Variants in BRINP3 observed in about 807,000 individuals in gnomAD.
BRINP3 encodes the protein BMP/retinoic acid inducible neural specific 3, also known as BMP/retinoic acid-inducible neural-specific protein 3.
In BRINP3, 19 loss-of-function variants were observed where a neutral mutation model predicts 71.0. That is an observed-to-expected ratio of 0.27 (90% CI 0.19 to 0.39). The LOEUF (loss-of-function observed/expected upper bound fraction) is 0.39. Among genes scored for constraint, BRINP3 ranks in the 10% least tolerant of loss-of-function variants. The pLI, the probability that BRINP3 is intolerant of heterozygous loss-of-function variation, is 1.00. For missense variants in BRINP3, 959 were observed against 940.8 expected, an observed-to-expected ratio of 1.02 and a Z score of -0.25; for synonymous variants, 380 against 337.7, an observed-to-expected ratio of 1.13 and a Z score of -1.37.
At chr1:190,219,231 A>C (rs1280251441) in intron 6 of BRINP3, among the ~76,000 whole-genome samples, 2 of 152,056 alleles carry the variant, frequency 1.3e-5, no homozygotes, top group African/African-American at 2.4e-5. Flanking sequence ...CAAACAGGAA[A>C]CCATGACCTC....
chr1:190,418,243 G>A lies in BRINP3; in HGVS notation c.236+36412C>T, dbSNP rs570588886. ...ATTTTCGTATTTTTTGTAGAGACAG[G>A]GTTTCATCACTTGCCCAGGCTGGTC... On this transcript the variant is annotated intron_variant, in intron 2 of 7. Coordinates refer to ENST00000367462, the MANE Select transcript of BRINP3 (RefSeq NM_199051.3). Among the ~76,000 whole-genome samples the A allele has an allele frequency of 5.3e-5, 8 of 152,094 alleles. No individual in the cohort carries two copies. The South Asian group carries it at 1.5e-3, about 28-fold the overall frequency.
intron 2 of BRINP3, among the ~76,000 whole-genome samples, chr1:190,344,695 T>A (rs1315353334): frequency 6.6e-6 from 1 of 151,836 alleles, no homozygotes; most frequent in African/African-American, 2.4e-5. Flanking sequence ...TGATAATCAG[T>A]CATGTTTGAA....
chr1:190,199,262 C>A (rs767479583), intron 6 of BRINP3, among the ~76,000 whole-genome samples: 1 of 151,992 alleles, frequency 6.6e-6, no homozygotes, highest in South Asian at 2.1e-4. Context: ...ATAAGATTTG[C>A]GTAAGGACAG....
chr1:190,149,816 G>A (rs1051295075), intron 7 of BRINP3, among the ~76,000 whole-genome samples: 3 of 152,022 alleles, frequency 2.0e-5, no homozygotes, highest in African/African-American at 7.3e-5. Context: ...TTCCTTTGAG[G>A]AGCCTACATG....
At chr1:190,399,223 C>G (rs965219613) in intron 2 of BRINP3, among the ~76,000 whole-genome samples, 1 of 151,822 alleles carries the variant, frequency 6.6e-6, no homozygotes, top group Non-Finnish European at 1.5e-5. Flanking sequence ...AAAACACACC[C>G]TCAAATGAAA....
chr1:190,405,237 G>A (rs375215887), intron 2 of BRINP3, among the ~76,000 whole-genome samples: 1 of 151,890 alleles, frequency 6.6e-6, no homozygotes, highest in Non-Finnish European at 1.5e-5. Context: ...GGATCACGAG[G>A]TCAGCAGATC....
At chr1:190,426,564 T>C (rs1410506028) in intron 2 of BRINP3, among the ~76,000 whole-genome samples, 1 of 151,854 alleles carries the variant, frequency 6.6e-6, no homozygotes, top group Non-Finnish European at 1.5e-5. Flanking sequence ...TTTTAGATTG[T>C]AGAGCATTTG....
At chr1:190,472,508 T>C (rs985005374) in intron 1 of BRINP3, among the ~76,000 whole-genome samples, 2 of 151,778 alleles carry the variant, frequency 1.3e-5, no homozygotes, top group Non-Finnish European at 3.0e-5. Context: ...GTTGGTGTCA[T>C]ATTCCAATTT....
intron 2 of BRINP3, among the ~76,000 whole-genome samples, chr1:190,300,949 G>A (rs1395503481): frequency 6.6e-6 from 1 of 151,852 alleles, no homozygotes; most frequent in Non-Finnish European, 1.5e-5. Context: ...CGAGCTGAGA[G>A]AAGAAGGCTT....
chr1:190,454,101 A>C (rs1434975670), intron 2 of BRINP3, among the ~76,000 whole-genome samples: 2 of 152,230 alleles, frequency 1.3e-5, no homozygotes, highest in Non-Finnish European at 2.9e-5. Flanking sequence ...GATAGATGTT[A>C]AAGATCATAT....
intron 7 of BRINP3, among the ~76,000 whole-genome samples, chr1:190,135,830 GC>G (rs1262077155): frequency 6.6e-6 from 1 of 152,008 alleles, no homozygotes; most frequent in Non-Finnish European, 1.5e-5. Flanking sequence ...GCAGAATGCA[GC>G]ACAGCATATA....
chr1:190,472,378 G>A (rs1677193925), intron 1 of BRINP3, among the ~76,000 whole-genome samples: 1 of 151,560 alleles, frequency 6.6e-6, no homozygotes, highest in Admixed American at 6.6e-5. Flanking sequence ...AAAAGCCTTA[G>A]AAGAGAACAT....
rs563059563 is a variant in BRINP3 at position 190,156,614 on chromosome 1, G to A, written c.1184+4054C>T. On this transcript the variant is annotated intron_variant, in intron 7 of 7. Coordinates refer to ENST00000367462, the MANE Select transcript of BRINP3 (RefSeq NM_199051.3). Reference sequence around the variant, plus strand: ...GTTACATTGGCAGTAAAAGAAAAACGGGGATGGAAAATATCAAACTTCAAT... The same window carrying A: ...GTTACATTGGCAGTAAAAGAAAAACAGGGATGGAAAATATCAAACTTCAAT... Among the ~76,000 whole-genome samples the A allele has an allele frequency of 3.3e-5, 5 of 151,866 alleles. No individual in the cohort carries two copies. The South Asian group carries it at 6.2e-4, about 19-fold the overall frequency.
chr1:190,118,866 G>A (rs1271730821), intron 7 of BRINP3, among the ~76,000 whole-genome samples: 5 of 152,064 alleles, frequency 3.3e-5, no homozygotes, highest in Non-Finnish European at 7.4e-5. Context: ...TTATTCATTC[G>A]TTTAGTAATT....
chr1:190,408,146 G>A (rs1148618), intron 2 of BRINP3, among the ~76,000 whole-genome samples: 54,986 of 148,988 alleles, frequency 0.37, 11,000 homozygotes, highest in Admixed American at 0.48. Context: ...CTCAACCTCC[G>A]GAGTAGCTGG....
chr1:190,152,610 C>A (rs1315300976), intron 7 of BRINP3, among the ~76,000 whole-genome samples: 4 of 128,386 alleles, frequency 3.1e-5, no homozygotes, highest in Non-Finnish European at 6.2e-5. Flanking sequence ...AAAAAAGTGC[C>A]TCTATTGGGT....
At chr1:190,260,009 CAG>C (rs1359706752) in intron 4 of BRINP3, among the ~76,000 whole-genome samples, 1 of 135,000 alleles carries the variant, frequency 7.4e-6, no homozygotes, top group Non-Finnish European at 1.5e-5. Context: ...GCCTGGGCAA[CAG>C]AGTGAGACTC....
At chr1:190,157,069 T>C (rs946267908) in intron 7 of BRINP3, among the ~76,000 whole-genome samples, 2 of 151,908 alleles carry the variant, frequency 1.3e-5, no homozygotes, top group African/African-American at 4.8e-5. Context: ...TTTCTGATAA[T>C]ACAGTCTTCC....
At chr1:190,323,245 G>A (rs1666364171) in intron 2 of BRINP3, among the ~76,000 whole-genome samples, 1 of 151,870 alleles carries the variant, frequency 6.6e-6, no homozygotes, top group African/African-American at 2.4e-5. Flanking sequence ...TATATGTTAA[G>A]TTGTCAAATT....
Sources: allele counts gnomAD v4.1 joint callset (sites outside exome capture counted in the v4.1 genomes callset), GRCh38; gene constraint gnomAD v4.1.1; transcripts MANE v1.5; gene names NCBI Gene and HGNC (gene_info 2026-07-23, HGNC 2026-07-21).